Variants in ENTPD1 observed in about 807,000 individuals in gnomAD.
ENTPD1 encodes ATP diphosphohydrolase.
In ENTPD1, 33 loss-of-function variants were observed where a neutral mutation model predicts 57.0. The ratio of observed to expected loss-of-function variants is 0.58; its 90% CI spans 0.44 to 0.77. The LOEUF is 0.77. Ranked by LOEUF, ENTPD1 falls within the 30% of genes least tolerant of loss-of-function variation. ENTPD1 has a pLI of 0.00. For synonymous variants in ENTPD1, 202 were observed against 218.8 expected, an observed-to-expected ratio of 0.92 and a Z score of 0.68; for missense variants, 501 against 603.4, an observed-to-expected ratio of 0.83 and a Z score of 1.78.
chr10:95,743,051 T>C (rs1296353796), intron 1 of ENTPD1, among the ~76,000 whole-genome samples: 2 of 152,240 alleles, frequency 1.3e-5, no homozygotes, highest in Non-Finnish European at 2.9e-5. Context: ...TCTTTAGTTT[T>C]TACCCAATGT....
chr10:95,717,345 T>G (rs1291381148), intron 1 of ENTPD1, among the ~76,000 whole-genome samples: 26 of 38,678 alleles, frequency 6.7e-4, no homozygotes. Context: ...GGGTTTTTTT[T>G]TTTTTTTTTT....
At chr10:95,706,623 T>C in the ENTPD1 span, among the ~76,000 whole-genome samples, 5 of 152,194 alleles carry the variant, frequency 3.3e-5, no homozygotes, top group Admixed American at 3.3e-4. Flanking sequence ...TGGTAGCTCT[T>C]CTTTGCAGCT....
intron 1 of ENTPD1, among the ~76,000 whole-genome samples, chr10:95,726,185 A>C (rs545538815): frequency 4.6e-5 from 7 of 152,338 alleles, no homozygotes; most frequent in Non-Finnish European, 1.0e-4. Context: ...GCTGTGCTTG[A>C]TAATAGAAAC....
intron 7 of ENTPD1, among the ~76,000 whole-genome samples, chr10:95,850,524 G>T (rs960969547): frequency 1.3e-5 from 2 of 152,104 alleles, no homozygotes; most frequent in Non-Finnish European, 2.9e-5. Context: ...ATGGGGAGCT[G>T]ATTTGTAGCA....
At chr10:95,846,735 C>A (rs2098436434) in intron 6 of ENTPD1, among the ~76,000 whole-genome samples, 1 of 151,912 alleles carries the variant, frequency 6.6e-6, no homozygotes. Flanking sequence ...CACCTGTAAT[C>A]CCAGCACTTT....
upstream of ENTPD1, among the ~76,000 whole-genome samples, chr10:95,751,923 T>A (rs1365916174): frequency 6.6e-6 from 1 of 151,906 alleles, no homozygotes; most frequent in African/African-American, 2.4e-5. Flanking sequence ...CTAGGTAGAA[T>A]AAGTGAAGTA....
At chr10:95,857,503 T>C (rs1203321193) in intron 7 of ENTPD1, among the ~76,000 whole-genome samples, 12 of 152,160 alleles carry the variant, frequency 7.9e-5, no homozygotes, top group Non-Finnish European at 1.8e-4. Context: ...TACAAAAAGC[T>C]TAAAGTAAAG....
intron 2 of ENTPD1, among the ~76,000 whole-genome samples, chr10:95,836,829 T>A (rs373317732): frequency 2.0e-5 from 3 of 152,220 alleles, no homozygotes; most frequent in East Asian, 1.9e-4. Context: ...TGTGGCTACC[T>A]GGGCTCTGAT....
At chr10:95,789,447 T>C (rs2098194090) in intron 1 of ENTPD1, among the ~76,000 whole-genome samples, 1 of 152,160 alleles carries the variant, frequency 6.6e-6, no homozygotes, top group African/African-American at 2.4e-5. Flanking sequence ...ATTTGTAAAA[T>C]ATTTAGAAGG....
intron 9 of ENTPD1, among the ~76,000 whole-genome samples, chr10:95,865,497 T>G (rs953243785): frequency 2.0e-5 from 3 of 152,184 alleles, no homozygotes; most frequent in Non-Finnish European, 2.9e-5. Context: ...TTTAAGCCCA[T>G]GCTCACTAGT....
At chr10:95,767,101 A>T (rs1340608447) in intron 1 of ENTPD1, among the ~76,000 whole-genome samples, 1 of 151,880 alleles carries the variant, frequency 6.6e-6, no homozygotes, top group Admixed American at 6.6e-5. Context: ...CTGTGGAAAT[A>T]AAAGAAAAGC....
chr10:95,829,136 A>G (rs1462976443), intron 2 of ENTPD1, among the ~76,000 whole-genome samples: 1 of 152,208 alleles, frequency 6.6e-6, no homozygotes, highest in East Asian at 1.9e-4. Flanking sequence ...TGTCTTAGTG[A>G]GTTTTTCCAA....
chr10:95,861,553 A>G (rs1036030832), intron 8 of ENTPD1: 1 of 152,218 alleles, frequency 6.6e-6, no homozygotes, highest in South Asian at 2.1e-4. Context: ...CATTCTCTCC[A>G]GGTATTTTGT....
At chr10:95,815,250 C>T (rs1453517166) in intron 1 of ENTPD1, among the ~76,000 whole-genome samples, 1 of 152,158 alleles carries the variant, frequency 6.6e-6, no homozygotes, top group Non-Finnish European at 1.5e-5. Flanking sequence ...ATCTCTAATG[C>T]AGGACAATGA....
intron 7 of ENTPD1, among the ~76,000 whole-genome samples, chr10:95,854,746 T>A (rs1274059199): frequency 6.6e-6 from 1 of 152,158 alleles, no homozygotes; most frequent in South Asian, 2.1e-4. Flanking sequence ...AGCAGTTTTG[T>A]GTGAGTTTCT....
At chr10:95,734,384 G>C (rs2097992356) in intron 1 of ENTPD1, among the ~76,000 whole-genome samples, 1 of 152,194 alleles carries the variant, frequency 6.6e-6, no homozygotes. Context: ...GATTAAGATG[G>C]AACTTGCTCC....
chr10:95,804,005 G>A (rs917409425), intron 1 of ENTPD1, among the ~76,000 whole-genome samples: 2 of 152,114 alleles, frequency 1.3e-5, no homozygotes, highest in Admixed American at 1.3e-4. Flanking sequence ...CAAAGATCAG[G>A]TGATTGTAGA....
chr10:95,856,601 C>T (rs2098455153), intron 7 of ENTPD1, among the ~76,000 whole-genome samples: 1 of 151,100 alleles, frequency 6.6e-6, no homozygotes, highest in Admixed American at 6.6e-5. Context: ...TCCAAATGCC[C>T]ATCAATCAAC....
intron 1 of ENTPD1, among the ~76,000 whole-genome samples, chr10:95,720,170 G>T (rs750537037): frequency 1.3e-5 from 2 of 152,022 alleles, no homozygotes; most frequent in Non-Finnish European, 2.9e-5. Flanking sequence ...GGTGTAAGGG[G>T]GTACTGCCTT....
Sources: allele counts gnomAD v4.1 joint callset (sites outside exome capture counted in the v4.1 genomes callset), GRCh38; gene constraint gnomAD v4.1.1; transcripts MANE v1.5; gene names NCBI Gene and HGNC (gene_info 2026-07-23, HGNC 2026-07-21).